The following FZR1 variants were observed in gnomAD, a reference collection of about 807,000 sequenced individuals.
FZR1 encodes fizzy-related protein homolog.
A neutral mutation model predicts 63.6 loss-of-function variants in FZR1; 11 were observed. The ratio of observed to expected loss-of-function variants is 0.17; its 90% CI spans 0.11 to 0.29. FZR1 has a LOEUF of 0.29. FZR1 is among the 10% of genes least tolerant of loss of function. The pLI is 1.00. For missense variants in FZR1, 440 were observed against 687.5 expected, an observed-to-expected ratio of 0.64 and a Z score of 4.03; for synonymous variants, 328 against 297.9, an observed-to-expected ratio of 1.10 and a Z score of -1.04.
At chr19:3,509,348 G>C (rs552370146) in intron 1 of FZR1, among the ~76,000 whole-genome samples, 1 of 152,208 alleles carries the variant, frequency 6.6e-6, no homozygotes, top group Non-Finnish European at 1.5e-5. Flanking sequence ...CACTGACCAC[G>C]AATGACACAC....
Position 3,513,033 on chromosome 19 carries a change from G to A in FZR1, c.-35+6559G>A, listed in dbSNP as rs543687480. ...TGGACATCACGCCCAGGCACCCAGCGCAGTCCCTTGCCTTTCACATGAGGA... is the reference window on the plus strand; with the variant it reads ...TGGACATCACGCCCAGGCACCCAGCACAGTCCCTTGCCTTTCACATGAGGA... On this transcript the variant is annotated intron_variant, in intron 1 of 13. Transcript: ENST00000441788. Among the ~76,000 whole-genome samples, 9 of 152,216 alleles carry A rather than the reference G, an allele frequency of 5.9e-5. No individual in the cohort carries two copies. The East Asian group carries it at 1.2e-3, about 20-fold the overall frequency.
chr19:3,511,422 G>T (rs1031876447), intron 1 of FZR1, among the ~76,000 whole-genome samples: 2 of 152,236 alleles, frequency 1.3e-5, no homozygotes, highest in African/African-American at 4.8e-5. Flanking sequence ...CTGCCTGCCG[G>T]CTGGGTACAG....
chr19:3,519,895 C>T (rs947679877), intron 1 of FZR1, among the ~76,000 whole-genome samples: 99 of 150,520 alleles, frequency 6.6e-4, no homozygotes, highest in Admixed American at 1.2e-3. Flanking sequence ...ACCCACAGCT[C>T]TCCTGGGGCT....
rs919591411 is a variant in FZR1 at position 3,537,470 on chromosome 19, G to A, written c.*2634G>A. On this transcript the variant is annotated 3_prime_UTR_variant, in exon 14 of 14. Transcript: ENST00000441788. ...CTGGAATGTAGCTGGTGCAGTGAGA[G>A]GGAAAGAGAATTGAAAAACTCAGGC... 1 of 152,384 alleles carries A rather than the reference G, an allele frequency of 6.6e-6. No homozygotes were observed. Among genetic ancestry groups the A allele is most frequent in the Non-Finnish European group, 1.5e-5 (1 of 68,146 alleles). The allele number at this position is 152,384 out of a possible 1,614,324, so 9.4% of individuals were successfully genotyped here.
chr19:3,524,499 C>G (rs2083133203), intron 2 of FZR1, among the ~76,000 whole-genome samples: 1 of 152,226 alleles, frequency 6.6e-6, no homozygotes, highest in Non-Finnish European at 1.5e-5. Flanking sequence ...CTGGAACCCT[C>G]CAAAGTGTCA....
At chr19:3,513,082 G>T (rs1309193261) in intron 1 of FZR1, among the ~76,000 whole-genome samples, 1 of 152,156 alleles carries the variant, frequency 6.6e-6, no homozygotes, top group South Asian at 2.1e-4. Context: ...GAGGGCACCT[G>T]GGCCAGGGCC....
chr19:3,530,449 T>G (rs1468323800), intron 7 of FZR1, among the ~76,000 whole-genome samples: 1 of 122,022 alleles, frequency 8.2e-6, no homozygotes, highest in Non-Finnish European at 1.7e-5. Flanking sequence ...GGAGAGCGCA[T>G]GGGAGAGCGC....
Position 3,508,442 on chromosome 19 carries a change from G to A in FZR1, c.-35+1968G>A, listed in dbSNP as rs145474575. On this transcript the variant is annotated intron_variant, in intron 1 of 13. Coordinates refer to ENST00000441788, the MANE Select transcript of FZR1 (RefSeq NM_016263.4). ...ACTCCTGACCTCAGGCGATCTGCCC[G>A]CCTCGAGGCCTCCCAAAGTGCTGTG... is the stretch of plus-strand genomic sequence containing the variant. Among the ~76,000 whole-genome samples, 552 of 152,232 alleles carry A rather than the reference G, an allele frequency of 3.6e-3. 9 individuals carry two copies. Among genetic ancestry groups the A allele is most frequent in the African/African-American group, 0.013 (524 of 41,546 alleles).
intron 1 of FZR1, among the ~76,000 whole-genome samples, chr19:3,507,402 A>G (rs2082992527): frequency 6.7e-6 from 1 of 150,148 alleles, no homozygotes; most frequent in East Asian, 2.0e-4. Context: ...CACCGTCCAG[A>G]CCTGTCTCCA....
chr19:3,535,511 T>A lies in FZR1; in HGVS notation c.*675T>A, dbSNP rs905111379. ...GTCATGGCCATCGCCCGGCGGTCAGTGGGCTTCAGATGGGCCTGTGCATCC... is the reference window on the plus strand; with the variant it reads ...GTCATGGCCATCGCCCGGCGGTCAGAGGGCTTCAGATGGGCCTGTGCATCC... On this transcript the variant is annotated 3_prime_UTR_variant, in exon 14 of 14. Transcript: ENST00000441788. 6.5e-6 allele frequency: 1 copy of A among 153,000 alleles called. No homozygotes were observed. The highest frequency in any genetic ancestry group is 2.4e-5 in the African/African-American group (1 of 41,490). The allele number at this position is 153,000 out of a possible 1,614,324, so 9.5% of individuals were successfully genotyped here.
Position 3,527,009 on chromosome 19 carries a change from C to A in FZR1, c.417C>A (p.Pro139=). 1 of 1,612,594 alleles carries A rather than the reference C, an allele frequency of 6.2e-7. No homozygotes were observed. The highest frequency in any genetic ancestry group is 8.5e-7 in the Non-Finnish European group (1 of 1,179,760). The change falls in exon 6 of 14, where the codon CCC becomes CCA. Residue 139 remains proline (P), a synonymous_variant. Transcript: ENST00000441788. Reference sequence around the variant, plus strand: ...CCCTTAGCACCAAGCGCTCCAGCCCCGATGACGGCAACGATGTGTCTCCCT... The same window carrying A: ...CCCTTAGCACCAAGCGCTCCAGCCCAGATGACGGCAACGATGTGTCTCCCT... The part of the protein sequence containing the change: ...TYSLSTKRSS[P]DDGNDVSPYS...
chr19:3,531,323 C>G (rs1019838153), intron 8 of FZR1, among the ~76,000 whole-genome samples: 1 of 152,194 alleles, frequency 6.6e-6, no homozygotes. Flanking sequence ...CGCTCACCCT[C>G]CCTCCATCCA....
chr19:3,531,981 C>A lies in FZR1; in HGVS notation c.894C>A (p.Ile298=). ...SRDRMILQRD[I]RTPPLQSERR... ...ACCGCATGATCCTGCAGAGGGACAT[C>A]CGCACCCCGCCACTGCAGTCGGAGC... Residue 298 remains isoleucine (I), a synonymous_variant, in exon 10 of 14, where the codon ATC becomes ATA. Transcript: ENST00000441788. 1 of 1,563,434 alleles carries A rather than the reference C, an allele frequency of 6.4e-7. No individual in the cohort carries two copies. The highest frequency in any genetic ancestry group is 8.6e-7 in the Non-Finnish European group (1 of 1,158,486).
rs1392304854 is a variant in FZR1, at chr19:3,529,801, G to GGAGTGGATGGTT, written c.655-980_655-969dup. 8.3e-5 allele frequency among the ~76,000 whole-genome samples: 11 copies of GGAGTGGATGGTT among 132,218 alleles called. 2 individuals are homozygous for GGAGTGGATGGTT. The highest frequency in any genetic ancestry group is 1.7e-4 in the Non-Finnish European group (11 of 63,222). 86.7% of individuals were successfully genotyped at this position (132,218 alleles called of 152,430 possible). On this transcript the variant is annotated intron_variant, in intron 7 of 13. Coordinates refer to ENST00000441788, the MANE Select transcript of FZR1 (RefSeq NM_016263.4). ...GCGAGAGTGGATGAGAGTGGTTGAG[G>GGAGTGGATGGTT]GAGTGGATGGTTGAGTGGATGGGTG...
chr19:3,522,428 G>A (rs1055068798), intron 1 of FZR1, among the ~76,000 whole-genome samples: 8 of 152,200 alleles, frequency 5.3e-5, no homozygotes, highest in Admixed American at 2.0e-4. Flanking sequence ...AGCTGAGTGC[G>A]GATGTGGCTT....
intron 1 of FZR1, among the ~76,000 whole-genome samples, chr19:3,506,806 C>A (rs1463015848): frequency 1.3e-5 from 2 of 152,142 alleles, no homozygotes; most frequent in Non-Finnish European, 2.9e-5. Flanking sequence ...CTGAGCCCTG[C>A]ACCCCCAACC....
rs1439651457 is a variant in FZR1 at position 3,525,446 on chromosome 19, T to C, written c.70-422T>C. ...CCTTGGGTTTTCTTTTTTTTTTTTTTTTTTTTTTTTTTTTGAGACGGAGTC... is the reference window on the plus strand; with the variant it reads ...CCTTGGGTTTTCTTTTTTTTTTTTTCTTTTTTTTTTTTTTGAGACGGAGTC... On this transcript the variant is annotated intron_variant, in intron 2 of 13. Transcript: ENST00000441788. This position sits in a 1 kb window ranked among gnomAD's most constrained non-coding sequence, Gnocchi z 4.2. Among the ~76,000 whole-genome samples the C allele has an allele frequency of 7.3e-6, 1 of 136,932 alleles. No homozygotes were observed. Among genetic ancestry groups the C allele is most frequent in the African/African-American group, 2.7e-5 (1 of 36,422 alleles). The allele number at this position is 136,932 out of a possible 152,430, so 89.8% of individuals were successfully genotyped here.
At chr19:3,530,411 CATGGGAGAGCGCATGGGAGAGCGG>C (rs780421614) in intron 7 of FZR1, among the ~76,000 whole-genome samples, 33,317 of 85,596 alleles carry the variant, frequency 0.39, 7,849 homozygotes, top group East Asian at 0.82. Context: ...TGGGAGAGCG[CATGGGAGAGCGCATGGGAGAGCGG>C]ATGGGAGAGC....
chr19:3,507,499 C>G (rs571990912), intron 1 of FZR1, among the ~76,000 whole-genome samples: 3 of 152,156 alleles, frequency 2.0e-5, no homozygotes, highest in Non-Finnish European at 4.4e-5. Context: ...CAAACTCATC[C>G]TCTGGTTCAG....
Sources: allele counts gnomAD v4.1 joint callset (sites outside exome capture counted in the v4.1 genomes callset), GRCh38; gene constraint gnomAD v4.1.1; non-coding constraint Gnocchi (gnomAD v3.1); transcripts MANE v1.5; gene names NCBI Gene and HGNC (gene_info 2026-07-23, HGNC 2026-07-21).